Variants in CRISPLD2 observed in about 807,000 individuals in gnomAD.
CRISPLD2 encodes the protein cysteine rich secretory protein LCCL domain containing 2, also known as cysteine-rich secretory protein LCCL domain-containing 2.
CRISPLD2 carries 47 observed loss-of-function variants against 71.1 expected under a neutral mutation model. The observed-to-expected ratio is 0.66, with a 90% CI of 0.52 to 0.84. CRISPLD2 has a LOEUF of 0.84. CRISPLD2 is among the 40% of genes least tolerant of loss of function. The pLI, the probability that CRISPLD2 is intolerant of heterozygous loss-of-function variation, is 0.00. For missense variants in CRISPLD2, 830 were observed against 651.1 expected, an observed-to-expected ratio of 1.27 and a Z score of -2.99; for synonymous variants, 317 against 250.1, an observed-to-expected ratio of 1.27 and a Z score of -2.52.
intron 14 of CRISPLD2, among the ~76,000 whole-genome samples, chr16:84,896,377 T>G (rs1317059329): frequency 6.6e-6 from 1 of 151,848 alleles, no homozygotes; most frequent in African/African-American, 2.4e-5. Context: ...AAAAAAAGAC[T>G]ATATATAGAG....
intron 12 of CRISPLD2, among the ~76,000 whole-genome samples, chr16:84,878,751 G>A (rs2071543053): frequency 6.6e-6 from 1 of 152,250 alleles, no homozygotes; most frequent in Admixed American, 6.5e-5. Context: ...ACCTTCTCAG[G>A]TGGAAAAGGC....
intron 11 of CRISPLD2, 28 bp downstream of exon 11, chr16:84,873,991 A>G (rs1277129872): frequency 6.3e-7 from 1 of 1,579,910 alleles, no homozygotes; most frequent in Non-Finnish European, 8.6e-7. Flanking sequence ...TTTTGCGACC[A>G]TAATACCTGG....
chr16:84,842,501 G>A (rs1916802011), intron 2 of CRISPLD2, among the ~76,000 whole-genome samples: 1 of 151,410 alleles, frequency 6.6e-6, no homozygotes, highest in Non-Finnish European at 1.5e-5. Context: ...AGCCTCCTGA[G>A]TAGCTGGAAC....
chr16:84,906,934 C>A lies in CRISPLD2; in HGVS notation c.*292C>A. ...GATCTGAGCTGTCTCTTAAAGGGGA[C>A]AGTTGCCCAAAATGTTCCTTGCTAT... On this transcript the variant is annotated 3_prime_UTR_variant, in exon 15 of 15. Transcript: ENST00000262424. The A allele has an allele frequency of 2.2e-6, 1 of 464,022 alleles. No homozygotes were observed. 28.7% of individuals were successfully genotyped at this position (464,022 alleles called of 1,614,324 possible). A position where few individuals can be genotyped will look rare whatever the true frequency, so the allele number is the denominator to read the frequency against.
intron 2 of CRISPLD2, among the ~76,000 whole-genome samples, chr16:84,840,665 C>G (rs1313392333): frequency 6.6e-6 from 1 of 151,988 alleles, no homozygotes; most frequent in East Asian, 1.9e-4. Flanking sequence ...CACCACCACG[C>G]CAGGCTAATT....
At chr16:84,855,854 A>T (rs1189181904) in intron 6 of CRISPLD2, among the ~76,000 whole-genome samples, 1 of 152,250 alleles carries the variant, frequency 6.6e-6, no homozygotes, top group Non-Finnish European at 1.5e-5. Flanking sequence ...CTATGACATA[A>T]AGTTAACAAT....
intron 5 of CRISPLD2, among the ~76,000 whole-genome samples, chr16:84,854,454 C>T (rs1406231284): frequency 6.6e-6 from 1 of 152,086 alleles, no homozygotes; most frequent in African/African-American, 2.4e-5. Context: ...GAAGGGGGGC[C>T]ACGGGGCTGA....
At chr16:84,872,949 A>G in intron 9 of CRISPLD2, 43 bp from the exon 10 acceptor site, 2 of 1,564,732 alleles carry the variant, frequency 1.3e-6, no homozygotes, top group African/African-American at 1.4e-5. Context: ...TTGCTGACAG[A>G]GGTTGAGAAT....
intron 8 of CRISPLD2, among the ~76,000 whole-genome samples, chr16:84,871,244 T>G (rs548717226): frequency 6.6e-6 from 1 of 152,300 alleles, no homozygotes; most frequent in East Asian, 1.9e-4. Context: ...ACACCATCAT[T>G]GAGTTTTACC....
intron 4 of CRISPLD2, 144 bp downstream of exon 4, chr16:84,849,661 G>C: frequency 1.2e-6 from 1 of 812,846 alleles, no homozygotes; most frequent in Non-Finnish European, 1.9e-6. Flanking sequence ...ACAGAGTACA[G>C]CTGGGAGAAG....
intron 12 of CRISPLD2, among the ~76,000 whole-genome samples, chr16:84,878,153 G>A (rs2071537089): frequency 6.6e-6 from 1 of 152,112 alleles, no homozygotes; most frequent in African/African-American, 2.4e-5. Flanking sequence ...GAACCCAGGA[G>A]GTGGAGCTTG....
intron 6 of CRISPLD2, among the ~76,000 whole-genome samples, chr16:84,855,393 G>T (rs1917210222): frequency 6.6e-6 from 1 of 152,214 alleles, no homozygotes; most frequent in South Asian, 2.1e-4. Context: ...GAGTCTGGAG[G>T]TGGAACAACT....
chr16:84,900,547 ATCACACAGCGCTGGGAGG>A (rs2071744618), intron 14 of CRISPLD2, among the ~76,000 whole-genome samples: 3 of 150,552 alleles, frequency 2.0e-5, no homozygotes, highest in Non-Finnish European at 4.4e-5. Context: ...GCTGGGAGGC[ATCACACAGCGCTGGGAGG>A]CATCGCACAG....
chr16:84,830,769 T>G (rs1411135371), intron 1 of CRISPLD2, among the ~76,000 whole-genome samples: 2 of 152,172 alleles, frequency 1.3e-5, no homozygotes. Flanking sequence ...CTATCACTTT[T>G]GACTTTTTTC....
intron 14 of CRISPLD2, among the ~76,000 whole-genome samples, chr16:84,905,611 G>A (rs1305532344): frequency 6.6e-6 from 1 of 151,670 alleles, no homozygotes; most frequent in Non-Finnish European, 1.5e-5. Context: ...GACTGGTCTC[G>A]AATTCCAGAC....
At chr16:84,868,511 G>A (rs757842681) in intron 7 of CRISPLD2, among the ~76,000 whole-genome samples, 33 of 152,190 alleles carry the variant, frequency 2.2e-4, no homozygotes, top group African/African-American at 1.2e-4. Flanking sequence ...CAGGCACATC[G>A]TGTGTGCCAG....
chr16:84,832,108 A>G (rs1346200650), intron 1 of CRISPLD2, among the ~76,000 whole-genome samples: 1 of 152,282 alleles, frequency 6.6e-6, no homozygotes, highest in East Asian at 1.9e-4. Flanking sequence ...TTGTCTGTTC[A>G]TAGCATTCCA....
chr16:84,843,086 T>G (rs1201592273), intron 2 of CRISPLD2, among the ~76,000 whole-genome samples: 2 of 152,144 alleles, frequency 1.3e-5, no homozygotes, highest in Non-Finnish European at 2.9e-5. Context: ...GCCTTTCATG[T>G]TTTCCTGTTT....
At position 84,871,893 on chromosome 16, in the gene CRISPLD2, A is replaced by T. The variant is rs1192265792; in HGVS notation, c.915-549A>T. Among the ~76,000 whole-genome samples the T allele has an allele frequency of 3.1e-3, 431 of 141,286 alleles. 1 individual carries two copies. Among genetic ancestry groups the T allele is most frequent in the African/African-American group, 0.011 (417 of 39,564 alleles). The allele number at this position is 141,286 out of a possible 152,430, so 92.7% of individuals were successfully genotyped here. The stretch of plus-strand genomic sequence containing the variant: ...GAGAAAAAAAAAAAAAAAAAAAAAA[A>T]AAAAAAGACTATGGTTGACCTTCTA... On this transcript the variant is annotated intron_variant, in intron 8 of 14. Coordinates refer to ENST00000262424, the MANE Select transcript of CRISPLD2 (RefSeq NM_031476.4).
Sources: allele counts gnomAD v4.1 joint callset (sites outside exome capture counted in the v4.1 genomes callset), GRCh38; gene constraint gnomAD v4.1.1; transcripts MANE v1.5; gene names NCBI Gene and HGNC (gene_info 2026-07-23, HGNC 2026-07-21).